CDH3: variants seen among roughly 807,000 people sequenced by gnomAD.
The protein encoded by CDH3 is cadherin 3, also known as cadherin-3.
In CDH3, 54 loss-of-function variants were observed where a neutral mutation model predicts 82.0. That is an observed-to-expected ratio of 0.66 (90% CI 0.53 to 0.83). CDH3 has a LOEUF of 0.83. Among genes scored for constraint, CDH3 ranks in the 40% least tolerant of loss-of-function variants. The probability of loss-of-function intolerance (pLI) is 0.00; values close to 1 mark genes in which losing one functional copy is unlikely to be tolerated. For synonymous variants in CDH3, 446 were observed against 437.9 expected, an observed-to-expected ratio of 1.02 and a Z score of -0.23; for missense variants, 1,054 against 1,084.6, an observed-to-expected ratio of 0.97 and a Z score of 0.40.
At chr16:68,655,239 A>T (rs891500656) in intron 2 of CDH3, among the ~76,000 whole-genome samples, 1 of 152,008 alleles carries the variant, frequency 6.6e-6, no homozygotes, top group South Asian at 2.1e-4. Context: ...TTTGGCCAAC[A>T]TGTTCAAATC....
chr16:68,706,345 A>T (rs1034464678), intron 1 of CDH3, among the ~76,000 whole-genome samples: 1 of 151,804 alleles, frequency 6.6e-6, no homozygotes, highest in African/African-American at 2.4e-5. Context: ...TACCCAGCCC[A>T]AGCACCATCC....
chr16:68,668,607 C>T (rs1222489876), intron 2 of CDH3, among the ~76,000 whole-genome samples: 1 of 152,216 alleles, frequency 6.6e-6, no homozygotes, highest in African/African-American at 2.4e-5. Flanking sequence ...CCGTCTTCTG[C>T]TTCCTCTGGT....
intron 2 of CDH3, among the ~76,000 whole-genome samples, chr16:68,652,629 G>C (rs1005422235): frequency 6.6e-6 from 1 of 152,162 alleles, no homozygotes; most frequent in South Asian, 2.1e-4. Context: ...TGTGCAGCCC[G>C]ATGAACATCG....
chr16:68,732,179 G>T (rs556930957), downstream of CDH3, among the ~76,000 whole-genome samples: 1 of 151,866 alleles, frequency 6.6e-6, no homozygotes, highest in African/African-American at 2.4e-5. Flanking sequence ...GGTTTCAGGA[G>T]CCTCTAGGAG....
intron 2 of CDH3, among the ~76,000 whole-genome samples, chr16:68,649,566 CAG>C (rs1960179294): frequency 1.3e-5 from 2 of 152,150 alleles, no homozygotes; most frequent in Non-Finnish European, 2.9e-5. Flanking sequence ...TTCTTAAAAA[CAG>C]AGGTTTTATT....
chr16:68,681,241 C>A, intron 8 of CDH3, 145 bp downstream of exon 8: 1 of 801,578 alleles, frequency 1.2e-6, no homozygotes, highest in Non-Finnish European at 2.1e-6. Context: ...TACCTAACCT[C>A]TCTGTGCCCC....
chr16:68,723,798 G>A (rs1194817911), intron 2 of CDH3, among the ~76,000 whole-genome samples: 6 of 151,988 alleles, frequency 3.9e-5, no homozygotes, highest in Non-Finnish European at 7.4e-5. Flanking sequence ...GGCCGGGCGC[G>A]GTGGCTCACG....
chr16:68,651,607 T>C, intron 2 of CDH3: 1 of 506,834 alleles, frequency 2.0e-6, no homozygotes, highest in Non-Finnish European at 3.9e-6. Context: ...ACCTGCATCA[T>C]GTTCCCACTC....
chr16:68,689,095 A>C (rs1426080966), intron 12 of CDH3, among the ~76,000 whole-genome samples: 1 of 152,186 alleles, frequency 6.6e-6, no homozygotes, highest in East Asian at 1.9e-4. Context: ...TTGTCAGGGA[A>C]ATTAATCTAG....
exon 3 of CDH3, among the ~76,000 whole-genome samples, chr16:68,727,315 T>G (rs1016151037): frequency 2.0e-5 from 3 of 152,212 alleles, no homozygotes; most frequent in Non-Finnish European, 2.9e-5. Flanking sequence ...TTCTCCAGCT[T>G]GTAGATGGCT....
chr16:68,647,559 A>G (rs1394067180), intron 2 of CDH3, among the ~76,000 whole-genome samples: 1 of 152,116 alleles, frequency 6.6e-6, no homozygotes, highest in Non-Finnish European at 1.5e-5. Flanking sequence ...CCTGGGTTAT[A>G]CAACAAAGGA....
Position 68,698,776 on chromosome 16 carries a change from AT to A in CDH3, c.*387del, listed in dbSNP as rs899205735. 5.2e-3 allele frequency: 984 copies of A among 190,584 alleles called. No homozygotes were observed. Among genetic ancestry groups the A allele is most frequent in the Middle Eastern group, 8.8e-3 (4 of 452 alleles). 11.8% of individuals were successfully genotyped at this position (190,584 alleles called of 1,614,324 possible). On this transcript the variant is annotated 3_prime_UTR_variant, in exon 16 of 16. Transcript: ENST00000264012. ...TTCTTAGGCCTCCTGGTGCAACTTA[AT>A]TTTTTTTTTTAATGCTATCTTCAAA...
chr16:68,691,058 T>G (rs1294680675), intron 12 of CDH3, among the ~76,000 whole-genome samples: 1 of 145,036 alleles, frequency 6.9e-6, no homozygotes, highest in African/African-American at 2.6e-5. Flanking sequence ...CAGGCTGGAG[T>G]GCAGTGGCAT....
intron 1 of CDH3, among the ~76,000 whole-genome samples, chr16:68,720,278 GAGAA>G (rs573916626): frequency 5.2e-4 from 78 of 151,332 alleles, no homozygotes; most frequent in African/African-American, 1.5e-3. Context: ...AAAAAAAAAA[GAGAA>G]AGAAAGAGAG....
Position 68,710,948 on chromosome 16 carries a change from G to T in CDH3, c.100-11477G>T, listed in dbSNP as rs185830154. Among the ~76,000 whole-genome samples, 513 of 120,740 alleles carry T rather than the reference G, an allele frequency of 4.2e-3. 6 individuals carry two copies. Among genetic ancestry groups the T allele is most frequent in the African/African-American group, 0.015 (486 of 32,162 alleles). The allele number at this position is 120,740 out of a possible 152,430, so 79.2% of individuals were successfully genotyped here. ...GAAGGAGAGAAGGGAGGGGAGGGGAGGAGAGGGGAGGGGAGGGGAAGGAGG... is the reference window on the plus strand; with the variant it reads ...GAAGGAGAGAAGGGAGGGGAGGGGATGAGAGGGGAGGGGAGGGGAAGGAGG... On this transcript the variant is annotated intron_variant, in intron 1 of 2. Coordinates refer to the CDH3 transcript ENST00000569080.
rs776077616 is a variant in CDH3, at chr16:68,681,030, C to T, written c.930C>T (p.Thr310=). The T allele has an allele frequency of 4.3e-6, 7 of 1,613,802 alleles. No individual in the cohort carries two copies. The African/African-American group carries it at 9.3e-5, about 22-fold the overall frequency. Residue 310 remains threonine (T), a synonymous_variant, in exon 8 of 16, where the codon ACC becomes ACT. Coordinates refer to ENST00000264012, the MANE Select transcript of CDH3 (RefSeq NM_001793.6). The part of the protein sequence containing the change: ...ATDMDGDGST[T]TAVAVVEILD... ...ACATGGATGGGGACGGCTCCACCACCACGGCAGTGGCAGTAGTGGAGATCC... is the reference window on the plus strand; with the variant it reads ...ACATGGATGGGGACGGCTCCACCACTACGGCAGTGGCAGTAGTGGAGATCC...
intron 2 of CDH3, among the ~76,000 whole-genome samples, chr16:68,674,007 A>G (rs931438002): frequency 6.6e-5 from 10 of 152,188 alleles, no homozygotes; most frequent in Non-Finnish European, 1.5e-4. Flanking sequence ...TGAATGCATA[A>G]GTATCTGTTT....
At chr16:68,712,708 G>A (rs905696567) in intron 1 of CDH3, among the ~76,000 whole-genome samples, 12 of 151,286 alleles carry the variant, frequency 7.9e-5, no homozygotes, top group African/African-American at 1.9e-4. Flanking sequence ...TTGAGATGGC[G>A]ACTCCCTCTG....
chr16:68,686,037 C>T (rs560601528), intron 11 of CDH3, among the ~76,000 whole-genome samples: 4 of 152,118 alleles, frequency 2.6e-5, no homozygotes, highest in South Asian at 2.1e-4. Context: ...GAGTTAGGGC[C>T]GGGCATGGTG....
Sources: allele counts gnomAD v4.1 joint callset (sites outside exome capture counted in the v4.1 genomes callset), GRCh38; gene constraint gnomAD v4.1.1; transcripts MANE v1.5; gene names NCBI Gene and HGNC (gene_info 2026-07-23, HGNC 2026-07-21).